The following ALOX5 variants were observed in gnomAD, a reference collection of about 807,000 sequenced individuals.
ALOX5 encodes arachidonate 5-lipoxygenase, also known as polyunsaturated fatty acid 5-lipoxygenase.
ALOX5 carries 64 observed loss-of-function variants against 87.9 expected under a neutral mutation model. The ratio of observed to expected loss-of-function variants is 0.73; its 90% confidence interval spans 0.60 to 0.90. The LOEUF (loss-of-function observed/expected upper bound fraction) is 0.90. Ranked by LOEUF, ALOX5 falls within the 40% of genes least tolerant of loss-of-function variation. The probability of loss-of-function intolerance (pLI) is 0.00; values close to 1 mark genes in which losing one functional copy is unlikely to be tolerated. For missense variants in ALOX5, 822 were observed against 907.5 expected (o/e 0.91, Z 1.21); for synonymous variants, 388 against 355.1 (o/e 1.09, Z -1.04).
At chr10:45,417,244 C>T (rs1235651455) in intron 4 of ALOX5, among the ~76,000 whole-genome samples, 1 of 152,080 alleles carries the variant, frequency 6.6e-6, no homozygotes, top group Admixed American at 6.5e-5. Flanking sequence ...CCCATCATGG[C>T]TAACAACAGC....
chr10:45,402,256 C>A (rs1263133684), intron 3 of ALOX5, among the ~76,000 whole-genome samples: 1 of 152,118 alleles, frequency 6.6e-6, no homozygotes, highest in African/African-American at 2.4e-5. Context: ...GCCCAGCCAC[C>A]CACTGCTGTC....
At chr10:45,386,051 A>G (rs1199886686) in intron 2 of ALOX5, among the ~76,000 whole-genome samples, 5 of 152,144 alleles carry the variant, frequency 3.3e-5, no homozygotes, top group Non-Finnish European at 5.9e-5. Flanking sequence ...AAAAAAATTG[A>G]AAATTAGCTA....
chr10:45,442,178 G>C (rs1193876744), intron 9 of ALOX5, among the ~76,000 whole-genome samples: 1 of 152,064 alleles, frequency 6.6e-6, no homozygotes, highest in East Asian at 1.9e-4. Flanking sequence ...AATGCCCCAG[G>C]GTGCATGCAC....
At chr10:45,399,576 T>C (rs150369765) in intron 3 of ALOX5, among the ~76,000 whole-genome samples, 1 of 152,284 alleles carries the variant, frequency 6.6e-6, no homozygotes, top group African/African-American at 2.4e-5. Flanking sequence ...TTCATAATCT[T>C]GGGTTCGGCA....
At chr10:45,417,837 C>G (rs1297509929) in intron 4 of ALOX5, among the ~76,000 whole-genome samples, 2 of 151,830 alleles carry the variant, frequency 1.3e-5, no homozygotes, top group African/African-American at 4.8e-5. Context: ...CTTTGCCACA[C>G]CCACCCTCCC....
At chr10:45,377,725 G>A (rs2132665698) in intron 1 of ALOX5, among the ~76,000 whole-genome samples, 1 of 152,160 alleles carries the variant, frequency 6.6e-6, no homozygotes, top group Admixed American at 6.5e-5. Flanking sequence ...GTAGTCTGGG[G>A]GTGGGGCACA....
chr10:45,375,848 C>T (rs1036468718), intron 1 of ALOX5, among the ~76,000 whole-genome samples: 1 of 152,234 alleles, frequency 6.6e-6, no homozygotes, highest in Non-Finnish European at 1.5e-5. Context: ...GGAACTGACC[C>T]TGAGGACTGC....
At chr10:45,445,467 A>G (rs1354393988) in intron 13 of ALOX5, 41 bp from the exon 14 acceptor site, 2 of 1,587,718 alleles carry the variant, frequency 1.3e-6, no homozygotes, top group South Asian at 2.2e-5. Context: ...TTACACGGGT[A>G]GTGGATTGAC....
intron 7 of ALOX5, 90 bp downstream of exon 7, chr10:45,428,854 A>C (rs1841822916): frequency 1.3e-6 from 2 of 1,522,300 alleles, no homozygotes; most frequent in Middle Eastern, 2.4e-4. Context: ...CCAGCTGAGG[A>C]AGCTATGTCT....
intron 3 of ALOX5, among the ~76,000 whole-genome samples, chr10:45,402,786 G>C (rs538526450): frequency 1.3e-5 from 2 of 152,328 alleles, no homozygotes; most frequent in Admixed American, 1.3e-4. Flanking sequence ...CCTAGTATGT[G>C]AAGGACCTAC....
chr10:45,439,077 T>G (rs1842141793), intron 7 of ALOX5, among the ~76,000 whole-genome samples: 1 of 152,202 alleles, frequency 6.6e-6, no homozygotes, highest in Admixed American at 6.5e-5. Context: ...AATATCTCAT[T>G]TAATAGTTTT....
rs527332084 is a variant in ALOX5, at chr10:45,383,015, G to A, written c.349+334G>A. On this transcript the variant is annotated intron_variant, in intron 2 of 13. Transcript: ENST00000374391. ...ACCTATGGGACATGCCCCTGGATGG[G>A]CACTTCTCTAGTTGCCAGGGTGTGG... 5.1e-3 allele frequency among the ~76,000 whole-genome samples: 780 copies of A among 152,364 alleles called. 4 individuals are homozygous for A. Among genetic ancestry groups the A allele is most frequent in the Non-Finnish European group, 7.1e-3 (481 of 68,026 alleles).
intron 4 of ALOX5, among the ~76,000 whole-genome samples, chr10:45,413,258 T>C (rs1468648505): frequency 6.6e-6 from 1 of 152,194 alleles, no homozygotes; most frequent in Admixed American, 6.5e-5. Context: ...TCAAGTGGGC[T>C]TCATCCCTGG....
Position 45,445,787 on chromosome 10 carries a change from C to T in ALOX5, c.*100C>T. The T allele has an allele frequency of 7.6e-7, 1 of 1,314,574 alleles. No individual in the cohort carries two copies. The highest frequency in any genetic ancestry group is 1.1e-6 in the Non-Finnish European group (1 of 943,110). The allele number at this position is 1,314,574 out of a possible 1,614,324, so 81.4% of individuals were successfully genotyped here. On this transcript the variant is annotated 3_prime_UTR_variant, in exon 14 of 14. Transcript: ENST00000374391. ...TGGCCAGGCCTCTTGGCAGTCACAT[C>T]TCTTCCTCCGAGGCCAGTACCTTTC...
In ALOX5 at chr10:45,412,256, G is replaced by T; in HGVS notation, c.497G>T (p.Arg166Leu). 1 of 1,614,092 alleles carries T rather than the reference G, an allele frequency of 6.2e-7. No individual in the cohort carries two copies. The change falls in exon 4 of 14, where the codon CGT (arginine) becomes CTT (leucine). Residue 166 changes from arginine (R) to leucine (L), a missense_variant. Arg to Leu is a moderately radical substitution (Grantham distance 102, BLOSUM62 -2). Coordinates refer to ENST00000374391, the MANE Select transcript of ALOX5 (RefSeq NM_000698.5). Reference sequence around the variant, plus strand: ...GCCAAATGCCACAAGGATTTACCCCGTGATATCCAGTTTGATAGTGAAAAA... The same window carrying T: ...GCCAAATGCCACAAGGATTTACCCCTTGATATCCAGTTTGATAGTGAAAAA... The part of the protein sequence containing the change: ...IDAKCHKDLP[R>L]DIQFDSEKGV...
At chr10:45,402,650 C>T (rs1245749289) in intron 3 of ALOX5, among the ~76,000 whole-genome samples, 1 of 152,172 alleles carries the variant, frequency 6.6e-6, no homozygotes, top group African/African-American at 2.4e-5. Flanking sequence ...AAACAAGACT[C>T]AGAACATATT....
intron 2 of ALOX5, among the ~76,000 whole-genome samples, chr10:45,383,873 G>A (rs1280871894): frequency 2.6e-5 from 4 of 152,128 alleles, no homozygotes; most frequent in African/African-American, 9.7e-5. Flanking sequence ...AATGTGGAAG[G>A]TTGTGGACAG....
At chr10:45,413,341 A>C (rs897383975) in intron 4 of ALOX5, among the ~76,000 whole-genome samples, 14 of 152,170 alleles carry the variant, frequency 9.2e-5, no homozygotes, top group African/African-American at 2.7e-4. Context: ...ATGACAAAAA[A>C]CACATGATTA....
At chr10:45,378,140 C>T (rs895414219) in intron 1 of ALOX5, among the ~76,000 whole-genome samples, 8 of 152,154 alleles carry the variant, frequency 5.3e-5, no homozygotes, top group African/African-American at 1.9e-4. Flanking sequence ...CATCTGCCCT[C>T]TGAAATCTGA....
Sources: allele counts gnomAD v4.1 joint callset (sites outside exome capture counted in the v4.1 genomes callset), GRCh38; gene constraint gnomAD v4.1.1; transcripts MANE v1.5; gene names NCBI Gene and HGNC (gene_info 2026-07-23, HGNC 2026-07-21).